Variants in RAB3C observed in about 807,000 individuals in gnomAD.
RAB3C encodes the protein RAB3C, member RAS oncogene family, also known as ras-related protein Rab-3C.
Under a neutral mutation model 26.4 loss-of-function variants are expected in RAB3C, and 17 were observed. That is an observed-to-expected ratio of 0.64 (90% CI 0.44 to 0.97). RAB3C has a LOEUF of 0.97. Among genes scored for constraint, RAB3C ranks in the 50% least tolerant of loss-of-function variants. The pLI is 0.00. For missense variants in RAB3C, 242 were observed against 281.9 expected (o/e 0.86, Z 1.01); for synonymous variants, 91 against 95.9 (o/e 0.95, Z 0.30).
chr5:58,749,320 C>G (rs1352129770), intron 3 of RAB3C, among the ~76,000 whole-genome samples: 1 of 152,102 alleles, frequency 6.6e-6, no homozygotes, highest in Non-Finnish European at 1.5e-5. Context: ...GTGGTTGGTT[C>G]TGTGTGAATT....
At position 58,856,524 on chromosome 5, in the gene RAB3C, A is replaced by G. The variant is rs1372057179; in HGVS notation, c.*5173A>G. The G allele has an allele frequency of 6.6e-6, 1 of 152,130 alleles. No individual in the cohort carries two copies. The highest frequency in any genetic ancestry group is 2.4e-5 in the African/African-American group (1 of 41,416). The allele number at this position is 152,130 out of a possible 1,614,324, so 9.4% of individuals were successfully genotyped here. A position where few individuals can be genotyped will look rare whatever the true frequency, so the allele number is the denominator to read the frequency against. On this transcript the variant is annotated 3_prime_UTR_variant, in exon 5 of 5. Coordinates refer to ENST00000282878, the MANE Select transcript of RAB3C (RefSeq NM_138453.4). ...CACCATTTACTTCCCATCAGCAACC[A>G]TTACTGGTGGAGTTTCAAACAGTCA...
chr5:58,834,601 G>T (rs765608238), intron 4 of RAB3C, among the ~76,000 whole-genome samples: 1 of 152,200 alleles, frequency 6.6e-6, no homozygotes, highest in Non-Finnish European at 1.5e-5. Context: ...TCTGGGTTCA[G>T]CAGGGAATCC....
rs1746857882 is a variant in RAB3C, at chr5:58,617,844, G to C, written c.226G>C (p.Glu76Gln). The change falls in exon 2 of 5, where the codon GAA (glutamate) becomes CAA (glutamine). Residue 76 changes from glutamate to glutamine, a missense_variant. Transcript: ENST00000282878. The part of the protein sequence containing the change: ...DFKVKTVFKN[E>Q]KRIKLQIWDT... ...CAAAGTAAAAACTGTATTCAAAAAT[G>C]AAAAGAGAATCAAGCTTCAGATTTG... 1 of 1,611,400 alleles carries C rather than the reference G, an allele frequency of 6.2e-7. No homozygotes were observed. The highest frequency in any genetic ancestry group is 1.7e-5 in the Admixed American group (1 of 59,764).
At chr5:58,647,910 G>A (rs375308988) in intron 2 of RAB3C, among the ~76,000 whole-genome samples, 2 of 152,272 alleles carry the variant, frequency 1.3e-5, no homozygotes, top group East Asian at 3.9e-4. Flanking sequence ...ACAACTGTTT[G>A]GGGTTAAATC....
intron 3 of RAB3C, among the ~76,000 whole-genome samples, chr5:58,789,578 G>A (rs1742473113): frequency 6.6e-6 from 1 of 152,116 alleles, no homozygotes; most frequent in Admixed American, 6.5e-5. Flanking sequence ...AGGGCTCAAG[G>A]AAGTTAAGTA....
chr5:58,828,692 G>A (rs1409288886), intron 4 of RAB3C, among the ~76,000 whole-genome samples: 4 of 152,136 alleles, frequency 2.6e-5, no homozygotes, highest in South Asian at 2.1e-4. Context: ...ATTTTCAAAC[G>A]CACATTCATC....
At chr5:58,655,227 A>G (rs1279165951) in intron 2 of RAB3C, among the ~76,000 whole-genome samples, 1 of 152,206 alleles carries the variant, frequency 6.6e-6, no homozygotes, top group African/African-American at 2.4e-5. Flanking sequence ...TACTTTAGTC[A>G]AGTTTTCTTC....
chr5:58,645,426 GA>G (rs1747495998), intron 2 of RAB3C, among the ~76,000 whole-genome samples: 1 of 152,180 alleles, frequency 6.6e-6, no homozygotes, highest in African/African-American at 2.4e-5. Context: ...TGGAAATACA[GA>G]AGAAATGTAG....
intron 2 of RAB3C, among the ~76,000 whole-genome samples, chr5:58,708,181 G>A (rs974193148): frequency 6.6e-6 from 1 of 151,964 alleles, no homozygotes; most frequent in African/African-American, 2.4e-5. Context: ...TGTAGAGAAA[G>A]GTCTTGCGAT....
intron 4 of RAB3C, among the ~76,000 whole-genome samples, chr5:58,850,151 A>T (rs1744084435): frequency 6.6e-6 from 1 of 152,198 alleles, no homozygotes; most frequent in African/African-American, 2.4e-5. Context: ...TGGAATGTGA[A>T]TGCAAACAAT....
intron 2 of RAB3C, among the ~76,000 whole-genome samples, chr5:58,715,381 T>A (rs1749149281): frequency 6.6e-6 from 1 of 152,106 alleles, no homozygotes; most frequent in African/African-American, 2.4e-5. Context: ...TCTTTTGCTT[T>A]GACTGACCTA....
rs142823136 is a variant in RAB3C at position 58,683,041 on chromosome 5, T to C, written c.253-42961T>C. ...TCTTTGCTTTTACTGAATTATCTTT[T>C]TTGTACCTTCAGCCTACTTTGAGAA... On this transcript the variant is annotated intron_variant, in intron 2 of 4. Transcript: ENST00000282878. Among the ~76,000 whole-genome samples the C allele has an allele frequency of 5.9e-3, 892 of 152,352 alleles. 3 individuals carry two copies. Among genetic ancestry groups the C allele is most frequent in the African/African-American group, 0.018 (763 of 41,588 alleles).
intron 3 of RAB3C, among the ~76,000 whole-genome samples, chr5:58,769,719 T>C (rs1305187204): frequency 2.6e-5 from 4 of 151,522 alleles, no homozygotes; most frequent in East Asian, 1.9e-4. Context: ...TGAAATAGTT[T>C]ATGCATGTTT....
At chr5:58,674,271 G>T (rs1748179475) in intron 2 of RAB3C, among the ~76,000 whole-genome samples, 1 of 152,202 alleles carries the variant, frequency 6.6e-6, no homozygotes, top group Non-Finnish European at 1.5e-5. Flanking sequence ...CAAAGATTTA[G>T]ACTTCGAGGC....
intron 2 of RAB3C, among the ~76,000 whole-genome samples, chr5:58,697,106 GGTTCTGGTACGTTGTGTCTTT>G (rs1411974039): frequency 6.6e-6 from 1 of 152,152 alleles, no homozygotes; most frequent in African/African-American, 2.4e-5. Flanking sequence ...GTGTCCCAGA[GGTTCTGGTACGTTGTGTCTTT>G]GTTCTCATTG....
In RAB3C at chr5:58,852,043, A is replaced by G. The variant is rs1744127112; in HGVS notation, c.*692A>G. ...ATTTAACAATAATCTTCGTTTACAC[A>G]TTTAAATAAGCAAGTATCTACCCAG... is the stretch of plus-strand genomic sequence containing the variant. On this transcript the variant is annotated 3_prime_UTR_variant, in exon 5 of 5. Transcript: ENST00000282878. 6.6e-6 allele frequency: 1 copy of G among 152,178 alleles called. No individual in the cohort carries two copies. Among genetic ancestry groups the G allele is most frequent in the Non-Finnish European group, 1.5e-5 (1 of 68,034 alleles). 9.4% of individuals were successfully genotyped at this position (152,178 alleles called of 1,614,324 possible). A position where few individuals can be genotyped will look rare whatever the true frequency, so the allele number is the denominator to read the frequency against.
intron 2 of RAB3C, among the ~76,000 whole-genome samples, chr5:58,626,016 A>T (rs2111738089): frequency 6.6e-6 from 1 of 152,256 alleles, no homozygotes; most frequent in South Asian, 2.1e-4. Flanking sequence ...ACATTTGTTT[A>T]TCATAAGGGA....
At chr5:58,769,241 A>G (rs187178552) in intron 3 of RAB3C, among the ~76,000 whole-genome samples, 5 of 152,222 alleles carry the variant, frequency 3.3e-5, no homozygotes, top group Non-Finnish European at 5.9e-5. Flanking sequence ...TGGACAGCTC[A>G]CATTTGAAAT....
At chr5:58,780,629 A>G (rs1008061916) in intron 3 of RAB3C, among the ~76,000 whole-genome samples, 3 of 152,060 alleles carry the variant, frequency 2.0e-5, no homozygotes, top group African/African-American at 7.2e-5. Flanking sequence ...TACCTTATGA[A>G]CTGAGTGCTT....
Sources: gnomAD v4.1 joint callset for allele counts (sites outside exome capture counted in the v4.1 genomes callset) on GRCh38, gnomAD v4.1.1 for gene constraint, MANE v1.5 for transcripts, NCBI Gene and HGNC (gene_info 2026-07-23, HGNC 2026-07-21) for gene names.